The following CD14 variants were observed in gnomAD, a reference collection of about 807,000 sequenced individuals.
CD14 encodes the protein monocyte differentiation antigen CD14.
A neutral mutation model predicts 2.5 loss-of-function variants in CD14; 4 were observed. The ratio of observed to expected loss-of-function variants is 1.63; its 90% CI spans 0.80 to 3.72. The LOEUF (loss-of-function observed/expected upper bound fraction) is 3.72, where lower values mean the gene tolerates loss of function less well. Ranked by LOEUF, CD14 falls within the 30% of genes most tolerant of loss-of-function variation. The pLI, the probability that CD14 is intolerant of heterozygous loss-of-function variation, is 0.01. For synonymous variants in CD14, 236 were observed against 235.1 expected (o/e 1.00, Z -0.04); for missense variants, 478 against 497.8 (o/e 0.96, Z 0.38).
rs1316865981 is a variant in CD14 at position 140,632,494 on chromosome 5, G to A, written c.490C>T (p.Leu164=). Residue 164 remains leucine (L), a synonymous_variant, in exon 2 of 2, where the codon CTG becomes TTG. Coordinates refer to ENST00000302014, the MANE Select transcript of CD14 (RefSeq NM_000591.4). This position sits in a 1 kb window ranked among gnomAD's most constrained non-coding sequence, Gnocchi z 6.2. ...AGGCCTGGCTTGAGCCACTGCTGCA[G>A]CTCGGCGAGCCAAGAACGCCCTGTC... is the stretch of plus-strand genomic sequence containing the variant. The part of the protein sequence containing the change: ...WATGRSWLAE[L]QQWLKPGLKV... The A allele has an allele frequency of 3.1e-6, 5 of 1,613,900 alleles. No homozygotes were observed. In the African/African-American group the frequency reaches 5.3e-5, roughly 17 times the overall value.
chr5:140,632,276 C>T lies in CD14; in HGVS notation c.708G>A (p.Thr236=), dbSNP rs772768479. 8 of 1,613,818 alleles carry T rather than the reference C, an allele frequency of 5.0e-6. No individual in the cohort carries two copies. The highest frequency in any genetic ancestry group is 1.3e-5 in the African/African-American group (1 of 75,064). The change falls in exon 2 of 2, where the codon ACG becomes ACA. Residue 236 remains threonine (T), a synonymous_variant. Transcript: ENST00000302014. The surrounding 1 kb of genome is among the most constrained non-coding windows in gnomAD (Gnocchi z 6.2). ...NLALRNTGME[T]PTGVCAALAA... Reference sequence around the variant, plus strand: ...CCAGTGCGGCGCACACGCCTGTGGGCGTCTCCATTCCTGTGTTGCGCAGCG... The same window carrying T: ...CCAGTGCGGCGCACACGCCTGTGGGTGTCTCCATTCCTGTGTTGCGCAGCG...
chr5:140,632,555 T>C lies in CD14; in HGVS notation c.429A>G (p.Ala143=), dbSNP rs774377581. 2.5e-6 allele frequency: 4 copies of C among 1,613,972 alleles called. No individual in the cohort carries two copies. In the African/African-American group the frequency reaches 5.3e-5, roughly 22 times the overall value. The stretch of plus-strand genomic sequence containing the variant: ...CGTTGCGTAGGCGCAAGCTGGAAAG[T>C]GCAAGTCCTGTGGCTTCCAGAGGCA... ...PPLPLEATGL[A]LSSLRLRNVS... is the part of the protein sequence containing the mutation. The change falls in exon 2 of 2, where the codon GCA becomes GCG. Residue 143 remains alanine, a synonymous_variant. Coordinates refer to ENST00000302014, the MANE Select transcript of CD14 (RefSeq NM_000591.4). The surrounding 1 kb of genome is among the most constrained non-coding windows in gnomAD (Gnocchi z 6.2).
Position 140,631,865 on chromosome 5 carries a change from GC to G in CD14, c.1118del (p.Gly373AlafsTer43). 1.3e-6 allele frequency: 2 copies of G among 1,557,848 alleles called. No individual in the cohort carries two copies. The highest frequency in any genetic ancestry group is 1.7e-6 in the Non-Finnish European group (2 of 1,148,052). On this transcript the variant is annotated frameshift_variant, in exon 2 of 2. Coordinates refer to ENST00000302014, the MANE Select transcript of CD14 (RefSeq NM_000591.4). LOFTEE classifies it high-confidence loss of function. ...GTLVLLQGARGFA is the reference protein window; with the variant it reads ...GTLVLLQGARXFA ...TATTCTGTCTTGGATCTTAGGCAAAGCCCCGGGCCCCTTGGAGCAGCACCAG... is the reference window on the plus strand; with the variant it reads ...TATTCTGTCTTGGATCTTAGGCAAAGCCCGGGCCCCTTGGAGCAGCACCAG...
Position 140,632,198 on chromosome 5 carries a change from G to C in CD14, c.786C>G (p.Arg262=), listed in dbSNP as rs967005109. Residue 262 remains arginine (R), a synonymous_variant, in exon 2 of 2, where the codon CGC becomes CGG. Transcript: ENST00000302014. This position sits in a 1 kb window ranked among gnomAD's most constrained non-coding sequence, Gnocchi z 6.2. ...HSLDLSHNSL[R]ATVNPSAPRC... Reference sequence around the variant, plus strand: ...TCGGAGCGCTAGGGTTTACGGTGGCGCGCAGCGAGTTGTGGCTGAGGTCTA... The same window carrying C: ...TCGGAGCGCTAGGGTTTACGGTGGCCCGCAGCGAGTTGTGGCTGAGGTCTA... The C allele has an allele frequency of 6.2e-7, 1 of 1,613,422 alleles. No homozygotes were observed.
Position 140,632,265 on chromosome 5 carries a change from A to G in CD14, c.719T>C (p.Val240Ala), listed in dbSNP as rs1172331216. The G allele has an allele frequency of 6.2e-7, 1 of 1,613,718 alleles. No individual in the cohort carries two copies. Among genetic ancestry groups the G allele is most frequent in the Non-Finnish European group, 8.5e-7 (1 of 1,180,038 alleles). Residue 240 changes from valine to alanine, a missense_variant, in exon 2 of 2, where the codon GTG (valine) becomes GCG (alanine). Physicochemically the swap from Val to Ala is moderately conservative, Grantham distance 64. Coordinates refer to ENST00000302014, the MANE Select transcript of CD14 (RefSeq NM_000591.4). This position sits in a 1 kb window ranked among gnomAD's most constrained non-coding sequence, Gnocchi z 6.2. The part of the protein sequence containing the change: ...RNTGMETPTG[V>A]CAALAAAGVQ... Reference sequence around the variant, plus strand: ...ACCTGCCGCCGCCAGTGCGGCGCACACGCCTGTGGGCGTCTCCATTCCTGT... The same window carrying G: ...ACCTGCCGCCGCCAGTGCGGCGCACGCGCCTGTGGGCGTCTCCATTCCTGT...
chr5:140,631,939 C>G lies in CD14; in HGVS notation c.1045G>C (p.Val349Leu). The change falls in exon 2 of 2, where the codon GTC (valine) becomes CTC (leucine). Residue 349 changes from valine (V) to leucine (L), a missense_variant. By Grantham distance (32) the Val-to-Leu change is conservative. Coordinates refer to ENST00000302014, the MANE Select transcript of CD14 (RefSeq NM_000591.4). Reference sequence around the variant, plus strand: ...AGGGTCGAACGTGCACAGGCTGGGACCACGCCGGAGTTCATTGAGCCCTCG... The same window carrying G: ...AGGGTCGAACGTGCACAGGCTGGGAGCACGCCGGAGTTCATTGAGCCCTCG... The part of the protein sequence containing the change: ...PHEGSMNSGV[V>L]PACARSTLSV... The G allele has an allele frequency of 6.2e-7, 1 of 1,612,656 alleles. No individual in the cohort carries two copies.
In CD14 at chr5:140,632,266, C is replaced by G. The variant is rs1362523541; in HGVS notation, c.718G>C (p.Val240Leu). The change falls in exon 2 of 2, where the codon GTG (valine) becomes CTG (leucine). Residue 240 changes from valine (V) to leucine (L), a missense_variant. Val to Leu is a conservative substitution (Grantham distance 32). Transcript: ENST00000302014. This position sits in a 1 kb window ranked among gnomAD's most constrained non-coding sequence, Gnocchi z 6.2. ...RNTGMETPTG[V>L]CAALAAAGVQ... Reference sequence around the variant, plus strand: ...CCTGCCGCCGCCAGTGCGGCGCACACGCCTGTGGGCGTCTCCATTCCTGTG... The same window carrying G: ...CCTGCCGCCGCCAGTGCGGCGCACAGGCCTGTGGGCGTCTCCATTCCTGTG... 1.9e-6 allele frequency: 3 copies of G among 1,613,718 alleles called. No individual in the cohort carries two copies. In the Admixed American group the frequency reaches 5.0e-5, roughly 27 times the overall value.
rs987397504 is a variant in CD14 at position 140,632,980 on chromosome 5, C to T, written c.4G>A (p.Glu2Lys). The T allele has an allele frequency of 1.2e-6, 2 of 1,614,014 alleles. No homozygotes were observed. Among genetic ancestry groups the T allele is most frequent in the African/African-American group, 2.7e-5 (2 of 74,922 alleles). The change falls in exon 2 of 2, where the codon GAG becomes AAG. Residue 2 changes from glutamate (E) to lysine (K), a missense_variant and splice_region_variant. By Grantham distance (56) the Glu-to-Lys change is moderately conservative. Transcript: ENST00000302014. The surrounding 1 kb of genome is among the most constrained non-coding windows in gnomAD (Gnocchi z 6.2). Reference sequence around the variant, plus strand: ...AGCAGCAACAAGCAGGACGCGCGCTCCTGGGGAGAGAGCAGAGGTCTAGGA... The same window carrying T: ...AGCAGCAACAAGCAGGACGCGCGCTTCTGGGGAGAGAGCAGAGGTCTAGGA... M[E>K]RASCLLLLLL...
At position 140,632,561 on chromosome 5, in the gene CD14, T is replaced by G; in HGVS notation, c.423A>C (p.Gly141=). The G allele has an allele frequency of 6.2e-7, 1 of 1,614,100 alleles. No homozygotes were observed. Among genetic ancestry groups the G allele is most frequent in the Non-Finnish European group, 8.5e-7 (1 of 1,180,024 alleles). Residue 141 remains glycine (G), a synonymous_variant, in exon 2 of 2, where the codon GGA becomes GGC. Coordinates refer to ENST00000302014, the MANE Select transcript of CD14 (RefSeq NM_000591.4). The surrounding 1 kb of genome is among the most constrained non-coding windows in gnomAD (Gnocchi z 6.2). ...GTAGGCGCAAGCTGGAAAGTGCAAG[T>G]CCTGTGGCTTCCAGAGGCAGCGGAG... is the stretch of plus-strand genomic sequence containing the variant. The part of the protein sequence containing the change: ...TMPPLPLEAT[G]LALSSLRLRN...
In CD14 at chr5:140,632,052, C is replaced by T; in HGVS notation, c.932G>A (p.Arg311Lys). Residue 311 changes from arginine (R) to lysine (K), a missense_variant, in exon 2 of 2, where the codon AGG becomes AAG. By Grantham distance (26) the Arg-to-Lys change is conservative (BLOSUM62 2). Coordinates refer to ENST00000302014, the MANE Select transcript of CD14 (RefSeq NM_000591.4). The surrounding 1 kb of genome is among the most constrained non-coding windows in gnomAD (Gnocchi z 6.2). ...VLDLSCNRLN[R>K]APQPDELPEV... ...GGGCAGCTCGTCAGGCTGCGGCGCC[C>T]TGTTCAGTCTGTTGCAGCTGAGATC... 1.2e-6 allele frequency: 2 copies of T among 1,614,240 alleles called. No homozygotes were observed. The highest frequency in any genetic ancestry group is 8.5e-7 in the Non-Finnish European group (1 of 1,180,038).
chr5:140,631,828 G>C lies in CD14; in HGVS notation c.*28C>G. 1.3e-6 allele frequency: 2 copies of C among 1,519,050 alleles called. No individual in the cohort carries two copies. Among genetic ancestry groups the C allele is most frequent in the South Asian group, 1.3e-5 (1 of 76,526 alleles). 94.1% of individuals were successfully genotyped at this position (1,519,050 alleles called of 1,614,324 possible). ...GACTCCCCTGAAGCCAAGGCAGTTT[G>C]AGTCCATTCATTATTCTGTCTTGGA... On this transcript the variant is annotated 3_prime_UTR_variant, in exon 2 of 2. Coordinates refer to ENST00000302014, the MANE Select transcript of CD14 (RefSeq NM_000591.4).
Position 140,633,080 on chromosome 5 carries a change from A to C in CD14, c.-9T>G. ...GACCCTACACTCACCATGGTCGATA[A>C]GTCTTCCGAACCTCTGAGCTCCGGA... On this transcript the variant is annotated 5_prime_UTR_variant, in exon 1 of 2. Coordinates refer to ENST00000302014, the MANE Select transcript of CD14 (RefSeq NM_000591.4). 1 of 1,614,084 alleles carries C rather than the reference A, an allele frequency of 6.2e-7. No homozygotes were observed. Among genetic ancestry groups the C allele is most frequent in the Non-Finnish European group, 8.5e-7 (1 of 1,179,996 alleles).
chr5:140,632,526 G>T lies in CD14; in HGVS notation c.458C>A (p.Ser153Ter), dbSNP rs201079641. Reference sequence around the variant, plus strand: ...GAGCCAAGAACGCCCTGTCGCCCACGACACGTTGCGTAGGCGCAAGCTGGA... The same window carrying T: ...GAGCCAAGAACGCCCTGTCGCCCACTACACGTTGCGTAGGCGCAAGCTGGA... ...ALSSLRLRNV[S>*]WATGRSWLAE... Residue 153 changes from serine to a stop codon, truncating the protein, a stop_gained, in exon 2 of 2, where the codon TCG becomes TAG. Transcript: ENST00000302014. LOFTEE classifies it low-confidence loss of function (END_TRUNC). This position sits in a 1 kb window ranked among gnomAD's most constrained non-coding sequence, Gnocchi z 6.2. 6.2e-6 allele frequency: 10 copies of T among 1,614,160 alleles called. No homozygotes were observed. Among genetic ancestry groups the T allele is most frequent in the East Asian group, 2.2e-5 (1 of 44,886 alleles).
In CD14 at chr5:140,631,800, C is replaced by T. The variant is rs1756580576; in HGVS notation, c.*56G>A. On this transcript the variant is annotated 3_prime_UTR_variant, in exon 2 of 2. Coordinates refer to ENST00000302014, the MANE Select transcript of CD14 (RefSeq NM_000591.4). ...GGTCGAAAAGTCCTCAACGTCCTGA[C>T]GGGACTCCCCTGAAGCCAAGGCAGT... The T allele has an allele frequency of 1.4e-6, 2 of 1,473,402 alleles. No homozygotes were observed. The highest frequency in any genetic ancestry group is 2.3e-5 in the East Asian group (1 of 43,590). The allele number at this position is 1,473,402 out of a possible 1,614,324, so 91.3% of individuals were successfully genotyped here. A position where few individuals can be genotyped will look rare whatever the true frequency, so the allele number is the denominator to read the frequency against.
chr5:140,632,257 C>A lies in CD14; in HGVS notation c.727G>T (p.Ala243Ser). The change falls in exon 2 of 2, where the codon GCA (alanine) becomes TCA (serine). Residue 243 changes from alanine (A) to serine (S), a missense_variant. Coordinates refer to ENST00000302014, the MANE Select transcript of CD14 (RefSeq NM_000591.4). The surrounding 1 kb of genome is among the most constrained non-coding windows in gnomAD (Gnocchi z 6.2). Reference protein sequence around the residue: ...GMETPTGVCAALAAAGVQPHS... With the variant: ...GMETPTGVCASLAAAGVQPHS... ...GGCTGCACACCTGCCGCCGCCAGTG[C>A]GGCGCACACGCCTGTGGGCGTCTCC... is the stretch of plus-strand genomic sequence containing the variant. 6.2e-7 allele frequency: 1 copy of A among 1,613,624 alleles called. No individual in the cohort carries two copies. The highest frequency in any genetic ancestry group is 1.3e-5 in the African/African-American group (1 of 75,066).
Position 140,633,156 on chromosome 5 carries a change from C to T in CD14, c.-85G>A. On this transcript the variant is annotated 5_prime_UTR_variant, in exon 1 of 2. Coordinates refer to ENST00000302014, the MANE Select transcript of CD14 (RefSeq NM_000591.4). ...TTTCCTACACAGCGGCACCCGCCGG[C>T]TTCCAGGCTTCACACTTGTGAACTC... 1 of 1,563,860 alleles carries T rather than the reference C, an allele frequency of 6.4e-7. No homozygotes were observed. The highest frequency in any genetic ancestry group is 8.7e-7 in the Non-Finnish European group (1 of 1,144,400).
Position 140,632,820 on chromosome 5 carries a change from A to G in CD14, c.164T>C (p.Val55Ala). 6.2e-7 allele frequency: 1 copy of G among 1,613,948 alleles called. No individual in the cohort carries two copies. Among genetic ancestry groups the G allele is most frequent in the South Asian group, 1.1e-5 (1 of 91,082 alleles). Residue 55 changes from valine (V) to alanine (A), a missense_variant, in exon 2 of 2, where the codon GTA becomes GCA. Physicochemically the swap from Val to Ala is moderately conservative, Grantham distance 64. Transcript: ENST00000302014. This position sits in a 1 kb window ranked among gnomAD's most constrained non-coding sequence, Gnocchi z 6.2. ...WSEAFQCVSA[V>A]EVEIHAGGLN... Reference sequence around the variant, plus strand: ...ACCGCCGGCATGGATCTCCACCTCTACTGCAGACACACACTGGAAGGCTTC... The same window carrying G: ...ACCGCCGGCATGGATCTCCACCTCTGCTGCAGACACACACTGGAAGGCTTC...
Position 140,632,530 on chromosome 5 carries a change from C to A in CD14, c.454G>T (p.Val152Leu). The A allele has an allele frequency of 6.2e-7, 1 of 1,614,204 alleles. No homozygotes were observed. The highest frequency in any genetic ancestry group is 8.5e-7 in the Non-Finnish European group (1 of 1,180,050). The change falls in exon 2 of 2, where the codon GTG becomes TTG. Residue 152 changes from valine to leucine, a missense_variant. By Grantham distance (32) the Val-to-Leu change is conservative (BLOSUM62 1). Coordinates refer to ENST00000302014, the MANE Select transcript of CD14 (RefSeq NM_000591.4). This position sits in a 1 kb window ranked among gnomAD's most constrained non-coding sequence, Gnocchi z 6.2. ...LALSSLRLRN[V>L]SWATGRSWLA... ...CAAGAACGCCCTGTCGCCCACGACA[C>A]GTTGCGTAGGCGCAAGCTGGAAAGT...
chr5:140,631,765 G>C lies in CD14; in HGVS notation c.*91C>G. ...AAGATTTTAATAAAGGTGGGGCAAAGGGTTGAATTGGTCGAAAAGTCCTCA... is the reference window on the plus strand; with the variant it reads ...AAGATTTTAATAAAGGTGGGGCAAACGGTTGAATTGGTCGAAAAGTCCTCA... On this transcript the variant is annotated 3_prime_UTR_variant, in exon 2 of 2. Coordinates refer to ENST00000302014, the MANE Select transcript of CD14 (RefSeq NM_000591.4). The C allele has an allele frequency of 1.7e-6, 2 of 1,201,408 alleles. No individual in the cohort carries two copies. The highest frequency in any genetic ancestry group is 2.4e-6 in the Non-Finnish European group (2 of 847,482). 74.4% of individuals were successfully genotyped at this position (1,201,408 alleles called of 1,614,324 possible).
Sources: gnomAD v4.1 joint callset for allele counts on GRCh38, gnomAD v4.1.1 for gene constraint, Gnocchi (gnomAD v3.1) non-coding constraint, MANE v1.5 for transcripts, NCBI Gene and HGNC (gene_info 2026-07-23, HGNC 2026-07-21) for gene names.